The following ZFYVE28 variants were observed in gnomAD, a reference collection of about 807,000 sequenced individuals.
The protein encoded by ZFYVE28 is lateral signaling target protein 2 homolog.
ZFYVE28 carries 40 observed loss-of-function variants against 82.1 expected under a neutral mutation model. That is an observed-to-expected ratio of 0.49 (90% CI 0.38 to 0.63). The LOEUF is 0.63. Among genes scored for constraint, ZFYVE28 ranks in the 30% least tolerant of loss-of-function variants. The pLI, the probability that ZFYVE28 is intolerant of heterozygous loss-of-function variation, is 0.00. For synonymous variants in ZFYVE28, 612 were observed against 546.1 expected (o/e 1.12, Z -1.68); for missense variants, 1,321 against 1,242.1 (o/e 1.06, Z -0.96).
In ZFYVE28 at chr4:2,304,514, C is replaced by A. The variant is rs1371001900; in HGVS notation, c.1826G>T (p.Arg609Ile). 6.2e-7 allele frequency: 1 copy of A among 1,612,446 alleles called. No homozygotes were observed. Among genetic ancestry groups the A allele is most frequent in the African/African-American group, 1.3e-5 (1 of 75,054 alleles). The change falls in exon 8 of 13, where the codon AGA (arginine) becomes ATA (isoleucine). Residue 609 changes from arginine (R) to isoleucine (I), a missense_variant. Transcript: ENST00000290974. ...LAKASDRAPE[R>I]QEEAPPPSED... ...TGAGGGTGGGGGCGCCTCCTCCTGT[C>A]TCTCAGGGGCCCTGTCGCTGGCCTT...
chr4:2,347,569 T>A lies in ZFYVE28; in HGVS notation c.181-5954A>T, dbSNP rs76402208. Reference sequence around the variant, plus strand: ...AATAATCCAAGTCACACAAAGTATATCCTCTGACCACAATGGAATTAAATT... The same window carrying A: ...AATAATCCAAGTCACACAAAGTATAACCTCTGACCACAATGGAATTAAATT... On this transcript the variant is annotated intron_variant, in intron 2 of 12. Coordinates refer to ENST00000290974, the MANE Select transcript of ZFYVE28 (RefSeq NM_020972.3). Among the ~76,000 whole-genome samples the A allele has an allele frequency of 6.0e-3, 916 of 152,212 alleles. 10 individuals carry two copies. Among genetic ancestry groups the A allele is most frequent in the African/African-American group, 0.021 (856 of 41,546 alleles).
At position 2,341,161 on chromosome 4, in the gene ZFYVE28, C is replaced by A. The variant is rs1286343425; in HGVS notation, c.318+317G>T. On this transcript the variant is annotated intron_variant, in intron 3 of 12. Coordinates refer to ENST00000290974, the MANE Select transcript of ZFYVE28 (RefSeq NM_020972.3). The surrounding 1 kb of genome is among the most constrained non-coding windows in gnomAD (Gnocchi z 4.5). Reference sequence around the variant, plus strand: ...GCAGGGCCGGAGGGGAACACTTGTTCCTGATGTGGGCATTACTGCCATTAA... The same window carrying A: ...GCAGGGCCGGAGGGGAACACTTGTTACTGATGTGGGCATTACTGCCATTAA... Among the ~76,000 whole-genome samples the A allele has an allele frequency of 6.6e-6, 1 of 152,168 alleles. No individual in the cohort carries two copies. Among genetic ancestry groups the A allele is most frequent in the Non-Finnish European group, 1.5e-5 (1 of 68,028 alleles).
In ZFYVE28 at chr4:2,323,608, A is replaced by G. The variant is rs182947674; in HGVS notation, c.702-3337T>C. 4.1e-4 allele frequency among the ~76,000 whole-genome samples: 63 copies of G among 151,898 alleles called. 1 individual carries two copies. In the East Asian group the frequency reaches 0.012, roughly 28 times the overall value. ...TGCACATTGTGCAGGTTAGTTACAT[A>G]TGTATACATGTGCCATGCTGGTGCG... On this transcript the variant is annotated intron_variant, in intron 6 of 12. Coordinates refer to ENST00000290974, the MANE Select transcript of ZFYVE28 (RefSeq NM_020972.3).
intron 1 of ZFYVE28, among the ~76,000 whole-genome samples, chr4:2,390,518 T>C (rs573134810): frequency 2.7e-4 from 41 of 152,186 alleles, no homozygotes; most frequent in Non-Finnish European, 5.0e-4. Flanking sequence ...TCAATTTTCC[T>C]GAAGCTGACA....
chr4:2,330,949 T>C, intron 6 of ZFYVE28: 1 of 1,529,484 alleles, frequency 6.5e-7, no homozygotes, highest in East Asian at 2.5e-5. Flanking sequence ...TTGACACAGG[T>C]GGATGGGTGA....
chr4:2,364,717 C>A, intron 1 of ZFYVE28: 1 of 985,480 alleles, frequency 1.0e-6, no homozygotes, highest in South Asian at 4.7e-5. Context: ...TCAGGGGTGA[C>A]AGTGGTGGAC....
chr4:2,340,734 G>A (rs888722851), intron 3 of ZFYVE28, among the ~76,000 whole-genome samples: 7 of 152,106 alleles, frequency 4.6e-5, no homozygotes, highest in Non-Finnish European at 7.4e-5. Flanking sequence ...ACCTGCCCGC[G>A]GGCCCCTGTA....
chr4:2,327,703 GT>G (rs1374070486), intron 6 of ZFYVE28, among the ~76,000 whole-genome samples: 1 of 151,910 alleles, frequency 6.6e-6, no homozygotes, highest in African/African-American at 2.4e-5. Flanking sequence ...TGATCATATG[GT>G]TTTTTTATTC....
At chr4:2,375,536 C>T (rs745903596) in intron 1 of ZFYVE28, among the ~76,000 whole-genome samples, 2 of 152,226 alleles carry the variant, frequency 1.3e-5, no homozygotes, top group African/African-American at 2.4e-5. Context: ...GAATGAGCAG[C>T]GGCTGAGCTC....
intron 7 of ZFYVE28, among the ~76,000 whole-genome samples, chr4:2,315,092 A>G (rs939315161): frequency 6.6e-6 from 1 of 151,864 alleles, no homozygotes; most frequent in African/African-American, 2.4e-5. Flanking sequence ...GCATTTCTAC[A>G]TTTCCATCTG....
At chr4:2,415,840 A>G (rs1732982405) in intron 1 of ZFYVE28, among the ~76,000 whole-genome samples, 1 of 152,212 alleles carries the variant, frequency 6.6e-6, no homozygotes, top group African/African-American at 2.4e-5. Flanking sequence ...AACAATCAAG[A>G]TATTTAACTC....
Position 2,335,235 on chromosome 4 carries a change from C to A in ZFYVE28, c.701+470G>T, listed in dbSNP as rs1001468245. Among the ~76,000 whole-genome samples the A allele has an allele frequency of 1.3e-5, 2 of 151,994 alleles. No homozygotes were observed. The highest frequency in any genetic ancestry group is 2.4e-5 in the African/African-American group (1 of 41,400). On this transcript the variant is annotated intron_variant, in intron 6 of 12. Transcript: ENST00000290974. The surrounding 1 kb of genome is among the most constrained non-coding windows in gnomAD (Gnocchi z 5.8). ...CCCACCTGCCCTTCAACCCAATGTGCTTCACCTCCCTGCCAGCCCCCAAAT... is the reference window on the plus strand; with the variant it reads ...CCCACCTGCCCTTCAACCCAATGTGATTCACCTCCCTGCCAGCCCCCAAAT...
intron 6 of ZFYVE28, chr4:2,330,319 G>A: frequency 2.0e-6 from 2 of 989,900 alleles, no homozygotes; most frequent in Non-Finnish European, 2.4e-6. Flanking sequence ...CACGCAACCT[G>A]CTGGTGGGAG....
chr4:2,298,703 C>T (rs1715027948), intron 8 of ZFYVE28, among the ~76,000 whole-genome samples: 1 of 152,246 alleles, frequency 6.6e-6, no homozygotes, highest in Non-Finnish European at 1.5e-5. Context: ...AGGCGCCCGA[C>T]TGCACGACGG....
chr4:2,387,888 C>T (rs916297291), intron 1 of ZFYVE28, among the ~76,000 whole-genome samples: 1 of 152,210 alleles, frequency 6.6e-6, no homozygotes, highest in African/African-American at 2.4e-5. Context: ...CAAAGACTGT[C>T]GGACAGCAGG....
chr4:2,360,840 G>A (rs958616017), intron 1 of ZFYVE28, among the ~76,000 whole-genome samples: 5 of 152,146 alleles, frequency 3.3e-5, no homozygotes, highest in Non-Finnish European at 4.4e-5. Flanking sequence ...GTGAGCCTGC[G>A]GGCCCGACAG....
At chr4:2,382,470 C>A (rs1046576867) in intron 1 of ZFYVE28, among the ~76,000 whole-genome samples, 3 of 152,242 alleles carry the variant, frequency 2.0e-5, no homozygotes, top group Admixed American at 1.3e-4. Context: ...GATGTGAGAC[C>A]TGGAGTCAAA....
intron 8 of ZFYVE28, 138 bp downstream of exon 8, chr4:2,304,151 A>G: frequency 8.8e-7 from 1 of 1,138,234 alleles, no homozygotes; most frequent in Admixed American, 2.6e-5. Context: ...CACAGACCCC[A>G]CACTCGGCCA....
At chr4:2,291,054 G>C (rs1713590753) in intron 8 of ZFYVE28, among the ~76,000 whole-genome samples, 1 of 152,236 alleles carries the variant, frequency 6.6e-6, no homozygotes, top group Non-Finnish European at 1.5e-5. Context: ...CCTGCCCCCG[G>C]CACACGAGCG....
Sources: gnomAD v4.1 joint callset for allele counts (sites outside exome capture counted in the v4.1 genomes callset) on GRCh38, gnomAD v4.1.1 for gene constraint, Gnocchi (gnomAD v3.1) non-coding constraint, MANE v1.5 for transcripts, NCBI Gene and HGNC (gene_info 2026-07-23, HGNC 2026-07-21) for gene names.